Variants in TIAM2 observed in about 807,000 individuals in gnomAD.
The protein encoded by TIAM2 is rho guanine nucleotide exchange factor TIAM2.
Under a neutral mutation model 152.9 loss-of-function variants are expected in TIAM2, and 80 were observed. The observed-to-expected ratio is 0.52, with a 90% confidence interval of 0.44 to 0.63. The LOEUF (loss-of-function observed/expected upper bound fraction) is 0.63, where lower values mean the gene tolerates loss of function less well. Among genes scored for constraint, TIAM2 ranks in the 30% least tolerant of loss-of-function variants. The probability of loss-of-function intolerance (pLI) is 0.00; values close to 1 mark genes in which losing one functional copy is unlikely to be tolerated. For synonymous variants in TIAM2, 804 were observed against 838.0 expected (o/e 0.96, Z 0.70); for missense variants, 1,965 against 2,120.1 (o/e 0.93, Z 1.44).
rs947620703 is a variant in TIAM2, at chr6:155,256,840, C to G, written c.4825C>G (p.Gln1609Glu). The change falls in exon 27 of 27, where the codon CAG becomes GAG. Residue 1609 changes from glutamine (Q) to glutamate (E), a missense_variant. Gln to Glu is a conservative substitution (Grantham distance 29). Around this residue, in one of 3 missense-constraint regions of TIAM2, gnomAD observed 935 missense variants for 980.0 expected, o/e 0.95. Coordinates refer to ENST00000682666, the MANE Select transcript of TIAM2 (RefSeq NM_012454.4). ...EDPDVHPEAE[Q>E]QPGPESGEGQ... ...CCCAGACGTTCACCCCGAGGCTGAGCAGCAGCCTGGCCCGGAGTCGGGTGA... is the reference window on the plus strand; with the variant it reads ...CCCAGACGTTCACCCCGAGGCTGAGGAGCAGCCTGGCCCGGAGTCGGGTGA... 6.2e-7 allele frequency: 1 copy of G among 1,613,438 alleles called. No homozygotes were observed. The highest frequency in any genetic ancestry group is 8.5e-7 in the Non-Finnish European group (1 of 1,180,034).
chr6:155,065,616 A>G (rs1034065467), intron 1 of TIAM2, among the ~76,000 whole-genome samples: 2 of 152,032 alleles, frequency 1.3e-5, no homozygotes, highest in Non-Finnish European at 2.9e-5. Context: ...CGTCTCTACT[A>G]AAAATACGAA....
intron 1 of TIAM2, among the ~76,000 whole-genome samples, chr6:155,000,568 G>C (rs1233910891): frequency 2.1e-5 from 3 of 145,958 alleles, no homozygotes; most frequent in African/African-American, 7.5e-5. Context: ...AAACTGTTAC[G>C]CTCTCAACAC....
chr6:155,036,407 G>A (rs562274069), intron 1 of TIAM2, among the ~76,000 whole-genome samples: 60 of 151,088 alleles, frequency 4.0e-4, no homozygotes, highest in African/African-American at 1.4e-3. Context: ...AGAGGCACAC[G>A]CCTGTAGTCC....
chr6:155,028,339 A>ATC lies in TIAM2; in HGVS notation c.-209+32848_-209+32849insCT, dbSNP rs1263625708. ...GTTACATATATACTACATATAATAT[A>ATC]TACTGTGTTACATATATACTACATA... On this transcript the variant is annotated intron_variant, in intron 1 of 26. Transcript: ENST00000682666. Among the ~76,000 whole-genome samples the ATC allele has an allele frequency of 5.6e-5, 7 of 126,062 alleles. 2 individuals carry two copies. The highest frequency in any genetic ancestry group is 2.3e-4 in the African/African-American group (7 of 30,382). 82.7% of individuals were successfully genotyped at this position (126,062 alleles called of 152,430 possible).
intron 1 of TIAM2, among the ~76,000 whole-genome samples, chr6:155,028,507 A>G (rs1362622758): frequency 7.3e-6 from 1 of 137,676 alleles, no homozygotes; most frequent in African/African-American, 2.7e-5. Context: ...TGTGTTACAT[A>G]TATACTACAT....
intron 1 of TIAM2, among the ~76,000 whole-genome samples, chr6:155,011,906 T>C (rs1367416994): frequency 1.3e-5 from 2 of 152,222 alleles, no homozygotes; most frequent in African/African-American, 2.4e-5. Flanking sequence ...GCGTAGCTAC[T>C]GTATGCTTGG....
intron 1 of TIAM2, among the ~76,000 whole-genome samples, chr6:155,068,797 A>T (rs1405242473): frequency 6.6e-6 from 1 of 151,842 alleles, no homozygotes; most frequent in Non-Finnish European, 1.5e-5. Flanking sequence ...TTGAGATGGG[A>T]TCTCGCCATG....
intron 5 of TIAM2, among the ~76,000 whole-genome samples, chr6:155,138,428 C>T (rs1012193008): frequency 4.7e-5 from 7 of 147,782 alleles, no homozygotes; most frequent in East Asian, 2.0e-4. Flanking sequence ...CAAGTGCAGC[C>T]GTCTTTTTTT....
intron 1 of TIAM2, among the ~76,000 whole-genome samples, chr6:154,999,962 C>T (rs568536221): frequency 1.4e-4 from 22 of 152,116 alleles, no homozygotes; most frequent in African/African-American, 4.1e-4. Context: ...CAGGTGTGAG[C>T]CACCGCGCCC....
rs902535445 is a variant in TIAM2 at position 155,130,327 on chromosome 6, G to A, written c.1104G>A (p.Glu368=). The A allele has an allele frequency of 4.3e-6, 7 of 1,614,110 alleles. No individual in the cohort carries two copies. In the East Asian group the frequency reaches 8.9e-5, roughly 21 times the overall value. ...LPCRKPKAFV[E]DTAKKDSLKA... The stretch of plus-strand genomic sequence containing the variant: ...GTCGGAAGCCCAAAGCCTTTGTTGA[G>A]GATACTGCGAAGAAGGACTCCCTCA... Residue 368 remains glutamate (E), a synonymous_variant, in exon 4 of 27, where the codon GAG becomes GAA. Coordinates refer to ENST00000682666, the MANE Select transcript of TIAM2 (RefSeq NM_012454.4).
intron 1 of TIAM2, among the ~76,000 whole-genome samples, chr6:155,070,209 C>CT (rs559307371): frequency 0.025 from 1,087 of 44,148 alleles, 157 homozygotes; most frequent in Admixed American, 0.064. Context: ...CCTGGCCAGA[C>CT]TTTTTTTTTT....
At chr6:155,029,513 C>CTATATAGTATATATAATATATAG (rs1776769495) in intron 1 of TIAM2, among the ~76,000 whole-genome samples, 3 of 22,074 alleles carry the variant, frequency 1.4e-4, no homozygotes, top group Non-Finnish European at 2.4e-4. Flanking sequence ...ATAATATATA[C>CTATATAGTATATATAATATATAG]TATATATTAT....
chr6:155,146,385 A>G (rs1779818833), intron 6 of TIAM2, among the ~76,000 whole-genome samples: 1 of 151,528 alleles, frequency 6.6e-6, no homozygotes, highest in Non-Finnish European at 1.5e-5. Context: ...TGTCTTAGCA[A>G]CAACAACAAC....
chr6:155,164,795 A>G (rs1780376776), intron 8 of TIAM2, among the ~76,000 whole-genome samples, 195 bp downstream of exon 8: 1 of 152,108 alleles, frequency 6.6e-6, no homozygotes, highest in South Asian at 2.1e-4. Context: ...CGGTTTCTCT[A>G]CTGCTTATTC....
At chr6:155,245,500 T>C (rs1423870740) in intron 18 of TIAM2, 123 bp from the exon 19 acceptor site, 4 of 809,582 alleles carry the variant, frequency 4.9e-6, no homozygotes, top group Non-Finnish European at 8.2e-6. Flanking sequence ...TGGAGCAGGT[T>C]TGAACTTCTC....
intron 1 of TIAM2, among the ~76,000 whole-genome samples, chr6:155,049,557 A>C (rs2114921541): frequency 6.6e-6 from 1 of 152,226 alleles, no homozygotes; most frequent in South Asian, 2.1e-4. Context: ...ACTTGCAGCT[A>C]AGTCTTGGCG....
At chr6:155,057,174 G>GC (rs1270040043) in intron 1 of TIAM2, among the ~76,000 whole-genome samples, 1 of 151,124 alleles carries the variant, frequency 6.6e-6, no homozygotes, top group African/African-American at 2.4e-5. Context: ...GACTATAGGT[G>GC]CATGCCACCA....
chr6:155,167,115 T>A (rs1189186060), intron 9 of TIAM2, among the ~76,000 whole-genome samples: 3 of 152,228 alleles, frequency 2.0e-5, no homozygotes, highest in East Asian at 3.8e-4. Flanking sequence ...GTTGGTAGAT[T>A]AACAGACAGC....
intron 26 of TIAM2, chr6:155,255,855 TA>T: frequency 6.6e-6 from 1 of 152,384 alleles, no homozygotes; most frequent in African/African-American, 2.4e-5. Flanking sequence ...AAAAAAAATA[TA>T]AAAATTAGCC....
Sources: gnomAD v4.1 joint callset for allele counts (sites outside exome capture counted in the v4.1 genomes callset) on GRCh38, gnomAD v4.1.1 for gene constraint, gnomAD v4.1.1 regional missense constraint, MANE v1.5 for transcripts, NCBI Gene and HGNC (gene_info 2026-07-23, HGNC 2026-07-21) for gene names.